GALNT13: variants seen among roughly 807,000 people sequenced by gnomAD.
GALNT13 encodes the protein polypeptide N-acetylgalactosaminyltransferase 13.
In GALNT13, 28 loss-of-function variants were observed where a neutral mutation model predicts 64.2. The ratio of observed to expected loss-of-function variants is 0.44; its 90% CI spans 0.32 to 0.60. The LOEUF is 0.60. GALNT13 is among the 20% of genes least tolerant of loss of function. The pLI is 0.05. For missense variants in GALNT13, 577 were observed against 669.8 expected (o/e 0.86, Z 1.53); for synonymous variants, 214 against 224.6 (o/e 0.95, Z 0.42).
chr2:154,085,915 T>TA (rs34257170), intron 3 of GALNT13, among the ~76,000 whole-genome samples: 1 of 151,458 alleles, frequency 6.6e-6, no homozygotes, highest in Non-Finnish European at 1.5e-5. Flanking sequence ...AAAATTAAAA[T>TA]AAAAAATAAA....
the GALNT13 span, among the ~76,000 whole-genome samples, chr2:153,756,497 A>G: frequency 6.6e-6 from 1 of 152,100 alleles, no homozygotes; most frequent in Admixed American, 6.6e-5. Flanking sequence ...TAAGACCAGT[A>G]ACTCACATTT....
chr2:153,072,114 GC>G, the GALNT13 span, among the ~76,000 whole-genome samples: 6 of 152,264 alleles, frequency 3.9e-5, no homozygotes, highest in Admixed American at 6.5e-5. Flanking sequence ...CTAATAACTA[GC>G]ATCTGCTGCT....
chr2:153,410,273 G>T, the GALNT13 span, among the ~76,000 whole-genome samples: 2 of 151,818 alleles, frequency 1.3e-5, no homozygotes, highest in African/African-American at 2.4e-5. Flanking sequence ...GGGTGGGGTA[G>T]GGGGAGAGAA....
chr2:154,287,193 G>C, intron 8 of GALNT13: 1 of 1,485,862 alleles, frequency 6.7e-7, no homozygotes, highest in Non-Finnish European at 9.3e-7. Flanking sequence ...GAAGCAGAGA[G>C]GGCCAGATTT....
chr2:154,241,994 C>T (rs1689513524), intron 4 of GALNT13, 36 bp from the exon 5 acceptor site: 2 of 1,376,070 alleles, frequency 1.5e-6, no homozygotes, highest in South Asian at 1.4e-5. Context: ...ATAAAAAATG[C>T]ATTTATTAAG....
chr2:153,189,303 A>G, the GALNT13 span, among the ~76,000 whole-genome samples: 1 of 152,154 alleles, frequency 6.6e-6, no homozygotes, highest in Admixed American at 6.6e-5. Context: ...TTTTAGCTGT[A>G]ACATATGAGT....
chr2:153,447,836 G>T, the GALNT13 span, among the ~76,000 whole-genome samples: 430 of 152,106 alleles, frequency 2.8e-3, 1 homozygote, highest in Middle Eastern at 0.017. Flanking sequence ...ACTTTTAAAG[G>T]CTCTTGATAT....
chr2:154,263,661 T>C (rs2105909244), intron 8 of GALNT13, among the ~76,000 whole-genome samples: 1 of 152,278 alleles, frequency 6.6e-6, no homozygotes, highest in South Asian at 2.1e-4. Flanking sequence ...CACAAAAAAA[T>C]ACTTTTTATA....
the GALNT13 span, among the ~76,000 whole-genome samples, chr2:153,130,946 C>T: frequency 1.1e-4 from 16 of 152,238 alleles, no homozygotes; most frequent in South Asian, 4.1e-4. Flanking sequence ...ATGGATTTTC[C>T]GCATACATGC....
At chr2:154,053,496 A>G (rs55726406) in intron 3 of GALNT13, among the ~76,000 whole-genome samples, 9,811 of 152,062 alleles carry the variant, frequency 0.065, 429 homozygotes, top group Middle Eastern at 0.13. Context: ...ATTTTATATT[A>G]AATCAGTTCA....
chr2:153,632,268 A>G, the GALNT13 span, among the ~76,000 whole-genome samples: 1 of 152,210 alleles, frequency 6.6e-6, no homozygotes, highest in Non-Finnish European at 1.5e-5. Flanking sequence ...CAGAGTTCCC[A>G]TATACTTTGT....
In GALNT13 at chr2:154,206,191, C is replaced by T. The variant is rs570378850; in HGVS notation, c.312-35839C>T. ...TTTTCTATTTTTTTTATAGTAGAGA[C>T]GGGGTTTCACCATATTAGCCAGGAT... On this transcript the variant is annotated intron_variant, in intron 4 of 12. Coordinates refer to ENST00000392825, the MANE Select transcript of GALNT13 (RefSeq NM_052917.4). Among the ~76,000 whole-genome samples the T allele has an allele frequency of 3.8e-4, 57 of 151,538 alleles. 3 individuals carry two copies. The highest frequency in any genetic ancestry group is 1.2e-3 in the East Asian group (6 of 5,058).
At chr2:153,965,799 G>GC (rs1693292508) in intron 3 of GALNT13, among the ~76,000 whole-genome samples, 1 of 136,802 alleles carries the variant, frequency 7.3e-6, no homozygotes, top group African/African-American at 3.0e-5. Context: ...GAAAAAATAA[G>GC]CAAAAAAAAA....
intron 3 of GALNT13, among the ~76,000 whole-genome samples, chr2:154,074,126 C>T (rs1430124478): frequency 6.6e-6 from 1 of 151,474 alleles, no homozygotes; most frequent in Non-Finnish European, 1.5e-5. Context: ...AGATGTAGCC[C>T]AAACAAATGC....
intron 3 of GALNT13, among the ~76,000 whole-genome samples, chr2:154,006,674 G>A (rs1306359512): frequency 6.6e-6 from 1 of 152,148 alleles, no homozygotes; most frequent in East Asian, 1.9e-4. Context: ...GAGCACAGGA[G>A]AGGCCCAGAT....
At chr2:153,841,751 G>A in the GALNT13 span, among the ~76,000 whole-genome samples, 27 of 152,226 alleles carry the variant, frequency 1.8e-4, no homozygotes, top group Middle Eastern at 3.4e-3. Flanking sequence ...TTGATCTCAA[G>A]TTTAATGTAT....
chr2:154,182,832 A>C (rs1177088174), intron 4 of GALNT13, among the ~76,000 whole-genome samples: 1 of 151,990 alleles, frequency 6.6e-6, no homozygotes, highest in Non-Finnish European at 1.5e-5. Flanking sequence ...ACCTGAGCCT[A>C]AGATTTCAAT....
chr2:153,134,047 T>A, the GALNT13 span, among the ~76,000 whole-genome samples: 1 of 152,190 alleles, frequency 6.6e-6, no homozygotes, highest in Admixed American at 6.6e-5. Flanking sequence ...TGAATTCTTT[T>A]CACAGCTCTC....
the GALNT13 span, among the ~76,000 whole-genome samples, chr2:153,853,470 AAATT>A: frequency 6.6e-6 from 1 of 152,228 alleles, no homozygotes; most frequent in Non-Finnish European, 1.5e-5. Flanking sequence ...GTGAATAAAT[AAATT>A]GTCATATAAA....
Sources: gnomAD v4.1 joint callset for allele counts (sites outside exome capture counted in the v4.1 genomes callset) on GRCh38, gnomAD v4.1.1 for gene constraint, MANE v1.5 for transcripts, NCBI Gene and HGNC (gene_info 2026-07-23, HGNC 2026-07-21) for gene names.